The following PCDHGA5 variants were observed in gnomAD, a reference collection of about 807,000 sequenced individuals.
The protein encoded by PCDHGA5 is protocadherin gamma subfamily A, 5.
In PCDHGA5, 36 loss-of-function variants were observed where a neutral mutation model predicts 56.7. The observed-to-expected ratio is 0.64, with a 90% CI of 0.49 to 0.84. The LOEUF (loss-of-function observed/expected upper bound fraction) is 0.84. Ranked by LOEUF, PCDHGA5 falls within the 40% of genes least tolerant of loss-of-function variation. PCDHGA5 has a pLI of 0.00. For synonymous variants in PCDHGA5, 563 were observed against 520.2 expected (o/e 1.08, Z -1.12); for missense variants, 1,305 against 1,201.5 (o/e 1.09, Z -1.27).
intron 1 of PCDHGA5, chr5:141,422,845 G>A: frequency 6.2e-7 from 1 of 1,614,230 alleles, no homozygotes; most frequent in Non-Finnish European, 8.5e-7. Context: ...TGACAGCGGG[G>A]ACCCGCCCCT....
chr5:141,420,286 A>C, intron 1 of PCDHGA5: 1 of 1,505,774 alleles, frequency 6.6e-7, no homozygotes, highest in Non-Finnish European at 8.9e-7. Flanking sequence ...TAAGTATTTA[A>C]AAATGTATTT....
intron 1 of PCDHGA5, chr5:141,408,352 C>T: frequency 6.2e-7 from 1 of 1,613,918 alleles, no homozygotes; most frequent in South Asian, 1.1e-5. Flanking sequence ...TGGGGAACCT[C>T]GCTAAGGATC....
Position 141,490,350 on chromosome 5 carries a change from G to T in PCDHGA5, c.2422-4457G>T. On this transcript the variant is annotated intron_variant, in intron 1 of 3. Transcript: ENST00000518069. This position sits in a 1 kb window ranked among gnomAD's most constrained non-coding sequence, Gnocchi z 5.4. Reference sequence around the variant, plus strand: ...GCACACCAGTGGGCACAGTAGTGGGGTTGTTTAATGTGCGAGACCGGGACT... The same window carrying T: ...GCACACCAGTGGGCACAGTAGTGGGTTTGTTTAATGTGCGAGACCGGGACT... 2 of 1,614,204 alleles carry T rather than the reference G, an allele frequency of 1.2e-6. No homozygotes were observed. The highest frequency in any genetic ancestry group is 1.7e-6 in the Non-Finnish European group (2 of 1,180,034).
At chr5:141,483,329 A>C (rs1463046335) in intron 1 of PCDHGA5, among the ~76,000 whole-genome samples, 3 of 152,182 alleles carry the variant, frequency 2.0e-5, no homozygotes, top group Non-Finnish European at 2.9e-5. Flanking sequence ...GGAGGCAAAG[A>C]GATCTTATCT....
rs747722740 is a variant in PCDHGA5, at chr5:141,485,835, C to G, written c.2422-8972C>G. 3 of 1,614,190 alleles carry G rather than the reference C, an allele frequency of 1.9e-6. No homozygotes were observed. In the South Asian group the frequency reaches 3.3e-5, roughly 18 times the overall value. On this transcript the variant is annotated intron_variant, in intron 1 of 3. Transcript: ENST00000518069. This position sits in a 1 kb window ranked among gnomAD's most constrained non-coding sequence, Gnocchi z 5.7. ...ACTGCTGTCGATGGAGGGAACCCGC[C>G]GAGATCTGGCACCGCAGAGCTCCGG...
chr5:141,461,286 C>T (rs2099012487), intron 1 of PCDHGA5, among the ~76,000 whole-genome samples: 1 of 152,144 alleles, frequency 6.6e-6, no homozygotes, highest in Admixed American at 6.6e-5. Context: ...TTCCCCACAT[C>T]CACACCAACA....
intron 1 of PCDHGA5, chr5:141,422,174 A>G (rs763681065): frequency 5.1e-6 from 8 of 1,564,176 alleles, no homozygotes; most frequent in African/African-American, 2.8e-5. Flanking sequence ...TATAGATTCT[A>G]TGAGATGGAA....
chr5:141,458,701 C>A (rs1057501287), intron 1 of PCDHGA5, among the ~76,000 whole-genome samples: 3 of 152,088 alleles, frequency 2.0e-5, no homozygotes, highest in Non-Finnish European at 2.9e-5. Context: ...TCCCGAGTAG[C>A]TGGGATTACA....
intron 1 of PCDHGA5, chr5:141,440,405 CCACTG>C (rs2098176019): frequency 6.6e-6 from 1 of 152,126 alleles, no homozygotes; most frequent in South Asian, 2.1e-4. Flanking sequence ...GGCAATCGCA[CCACTG>C]CACTCCAGCC....
intron 2 of PCDHGA5, among the ~76,000 whole-genome samples, chr5:141,495,623 C>T (rs990126072): frequency 3.3e-5 from 5 of 152,208 alleles, no homozygotes; most frequent in South Asian, 2.1e-4. Context: ...GCACCTCAGC[C>T]TCAGTCCCTT....
chr5:141,465,689 C>A (rs2099107540), intron 1 of PCDHGA5, among the ~76,000 whole-genome samples: 1 of 152,162 alleles, frequency 6.6e-6, no homozygotes, highest in African/African-American at 2.4e-5. Context: ...GACCAGTCTG[C>A]TTTTGCATTG....
intron 1 of PCDHGA5, chr5:141,421,220 A>T (rs1178268746): frequency 6.3e-7 from 1 of 1,575,620 alleles, no homozygotes; most frequent in East Asian, 2.3e-5. Context: ...ATCGGCTTAG[A>T]GCCTGCCATG....
chr5:141,489,904 C>T lies in PCDHGA5; in HGVS notation c.2422-4903C>T, dbSNP rs750411680. On this transcript the variant is annotated intron_variant, in intron 1 of 3. Transcript: ENST00000518069. This position sits in a 1 kb window ranked among gnomAD's most constrained non-coding sequence, Gnocchi z 4.5. ...TGCTGTGGATGGGGGGACCCCAGCC[C>T]GCTCAGGGACCACCCTTATCTCTGT... 1.6e-5 allele frequency: 26 copies of T among 1,614,092 alleles called. No homozygotes were observed. The highest frequency in any genetic ancestry group is 3.3e-5 in the Admixed American group (2 of 60,014).
At chr5:141,404,476 C>G (rs1453332441) in intron 1 of PCDHGA5, 3 of 1,613,362 alleles carry the variant, frequency 1.9e-6, no homozygotes, top group Non-Finnish European at 2.5e-6. Context: ...TCTCTATTAA[C>G]TCAGACACTG....
chr5:141,500,680 T>C (rs999167635), intron 2 of PCDHGA5, among the ~76,000 whole-genome samples: 7 of 152,224 alleles, frequency 4.6e-5, no homozygotes, highest in Non-Finnish European at 7.3e-5. Context: ...AACAGAATTA[T>C]AGCTTTTTTC....
At chr5:141,457,111 G>T (rs922281700) in intron 1 of PCDHGA5, among the ~76,000 whole-genome samples, 1 of 152,120 alleles carries the variant, frequency 6.6e-6, no homozygotes, top group African/African-American at 2.4e-5. Context: ...AGCAAAATAC[G>T]ACAGCAATGG....
chr5:141,435,372 T>C (rs2097759153), intron 1 of PCDHGA5, among the ~76,000 whole-genome samples: 1 of 152,216 alleles, frequency 6.6e-6, no homozygotes, highest in African/African-American at 2.4e-5. Context: ...CACTTAAATA[T>C]ACAATATACC....
At chr5:141,482,809 T>C (rs1295469639) in intron 1 of PCDHGA5, among the ~76,000 whole-genome samples, 1 of 152,170 alleles carries the variant, frequency 6.6e-6, no homozygotes, top group Non-Finnish European at 1.5e-5. Flanking sequence ...CGGTGGCTCA[T>C]GCCTGTAATC....
At chr5:141,503,936 C>G (rs2099834285) in intron 2 of PCDHGA5, among the ~76,000 whole-genome samples, 1 of 152,186 alleles carries the variant, frequency 6.6e-6, no homozygotes, top group Non-Finnish European at 1.5e-5. Flanking sequence ...CATTTTCATG[C>G]CTTCAAGGCC....
Sources: gnomAD v4.1 joint callset for allele counts (sites outside exome capture counted in the v4.1 genomes callset) on GRCh38, gnomAD v4.1.1 for gene constraint, Gnocchi (gnomAD v3.1) non-coding constraint, MANE v1.5 for transcripts, NCBI Gene and HGNC (gene_info 2026-07-23, HGNC 2026-07-21) for gene names.